Variants in KAZN observed in about 807,000 individuals in gnomAD.
The protein encoded by KAZN is kazrin, periplakin interacting protein, also known as kazrin.
Under a neutral mutation model 87.4 loss-of-function variants are expected in KAZN, and 40 were observed. The observed-to-expected ratio is 0.46, with a 90% CI of 0.36 to 0.60. The LOEUF (loss-of-function observed/expected upper bound fraction) is 0.60, where lower values mean the gene tolerates loss of function less well. KAZN is among the 20% of genes least tolerant of loss of function. The probability of loss-of-function intolerance (pLI) is 0.00; values close to 1 mark genes in which losing one functional copy is unlikely to be tolerated. For synonymous variants in KAZN, 466 were observed against 458.3 expected (o/e 1.02, Z -0.22); for missense variants, 898 against 1,073.9 (o/e 0.84, Z 2.29).
intron 2 of KAZN, among the ~76,000 whole-genome samples, chr1:14,220,648 G>C (rs761577429): frequency 1.3e-5 from 2 of 152,100 alleles, no homozygotes; most frequent in East Asian, 3.8e-4. Flanking sequence ...CCAGTACCAG[G>C]CACTTTATAC....
intron 1 of KAZN, among the ~76,000 whole-genome samples, chr1:14,870,491 A>G (rs1037366478): frequency 1.3e-5 from 2 of 152,080 alleles, no homozygotes; most frequent in South Asian, 4.1e-4. Flanking sequence ...ACAGGCATGC[A>G]CTACCACACT....
intron 2 of KAZN, among the ~76,000 whole-genome samples, chr1:14,241,082 G>C (rs1197089946): frequency 6.6e-6 from 1 of 152,258 alleles, no homozygotes; most frequent in Non-Finnish European, 1.5e-5. Context: ...CACGTGCTTA[G>C]CTCAAGTCCC....
chr1:14,466,672 AAAAG>A (rs1327723708), intron 2 of KAZN, among the ~76,000 whole-genome samples: 10 of 139,750 alleles, frequency 7.2e-5, no homozygotes, highest in Admixed American at 4.2e-4. Context: ...AAAAAAAAAA[AAAAG>A]AAGAAGAAAC....
At chr1:14,188,192 AGC>A (rs376191050) in intron 2 of KAZN, among the ~76,000 whole-genome samples, 101 of 82,110 alleles carry the variant, frequency 1.2e-3, no homozygotes, top group African/African-American at 4.9e-3. Context: ...GAGAGAGAGG[AGC>A]GTGTGTGTGT....
chr1:14,344,812 C>T (rs1201255979), intron 2 of KAZN, among the ~76,000 whole-genome samples: 2 of 152,050 alleles, frequency 1.3e-5, no homozygotes, highest in African/African-American at 4.8e-5. Context: ...AAAACTCCTA[C>T]TAGGTTAAGG....
At chr1:14,895,786 G>T (rs1158126100) in intron 1 of KAZN, among the ~76,000 whole-genome samples, 3 of 152,206 alleles carry the variant, frequency 2.0e-5, no homozygotes, top group African/African-American at 7.2e-5. Context: ...AAGCCACCAT[G>T]TTCTCTGCCC....
upstream of KAZN, among the ~76,000 whole-genome samples, chr1:14,595,008 G>C (rs757847092): frequency 3.9e-5 from 6 of 152,082 alleles, no homozygotes; most frequent in Non-Finnish European, 5.9e-5. Context: ...AGCCAGGGGT[G>C]GTGGTGGGCA....
chr1:14,250,025 G>C (rs940706517), intron 2 of KAZN, among the ~76,000 whole-genome samples: 1 of 152,086 alleles, frequency 6.6e-6, no homozygotes, highest in Non-Finnish European at 1.5e-5. Flanking sequence ...CTTCAGTACA[G>C]GTTCATGAAA....
intron 1 of KAZN, among the ~76,000 whole-genome samples, chr1:14,093,138 C>T (rs1246474127): frequency 6.6e-6 from 1 of 152,222 alleles, no homozygotes; most frequent in Non-Finnish European, 1.5e-5. Context: ...TCTGCATCCT[C>T]TCCCTCGCCA....
chr1:14,875,491 A>G (rs557335293), intron 1 of KAZN, among the ~76,000 whole-genome samples: 52 of 150,862 alleles, frequency 3.4e-4, no homozygotes, highest in African/African-American at 1.2e-3. Context: ...TTAAAAAAAA[A>G]AAAAAAGAAA....
At chr1:14,480,747 GTATT>G (rs1286208397) in intron 2 of KAZN, among the ~76,000 whole-genome samples, 2 of 142,762 alleles carry the variant, frequency 1.4e-5, no homozygotes, top group Non-Finnish European at 1.5e-5. Context: ...TACTATATAT[GTATT>G]TATATATGTA....
Position 14,539,053 on chromosome 1 carries a change from A to T in KAZN, c.250-59930A>T, listed in dbSNP as rs573170623. On this transcript the variant is annotated intron_variant, in intron 2 of 16. Coordinates refer to the KAZN transcript ENST00000636203. ...AACAAGGGAAGGACTATACCAGTGC[A>T]TATGGATTGAAAAGCAACCTGGCTT... 3.9e-5 allele frequency among the ~76,000 whole-genome samples: 6 copies of T among 152,358 alleles called. No individual in the cohort carries two copies. The South Asian group carries it at 1.2e-3, about 32-fold the overall frequency.
At chr1:15,005,528 A>G (rs1446644959) in intron 2 of KAZN, among the ~76,000 whole-genome samples, 5 of 152,178 alleles carry the variant, frequency 3.3e-5, no homozygotes, top group Non-Finnish European at 5.9e-5. Context: ...GCTCACACCT[A>G]TCATCCCAGC....
chr1:14,644,002 CTTTTTTTTTTTTT>C lies in KAZN; in HGVS notation c.226+44792_226+44804del, dbSNP rs34535562. ...AATGTCTATTCATGTCCTTTGCCCA[CTTTTTTTTTTTTT>C]TTTTTTTTTTTTGAGATGGAGTTTT... On this transcript the variant is annotated intron_variant, in intron 1 of 14. Transcript: ENST00000376030. Among the ~76,000 whole-genome samples the C allele has an allele frequency of 6.6e-5, 4 of 60,372 alleles. No homozygotes were observed. In the East Asian group the frequency reaches 2.3e-3, roughly 34 times the overall value. 39.6% of individuals were successfully genotyped at this position (60,372 alleles called of 152,430 possible).
At chr1:14,774,852 T>C (rs910742338) in intron 1 of KAZN, among the ~76,000 whole-genome samples, 5 of 152,190 alleles carry the variant, frequency 3.3e-5, no homozygotes, top group African/African-American at 1.2e-4. Flanking sequence ...AAGTCCGTGG[T>C]ACATCATCTA....
At chr1:14,984,482 A>T (rs1666574212) in intron 2 of KAZN, among the ~76,000 whole-genome samples, 1 of 152,084 alleles carries the variant, frequency 6.6e-6, no homozygotes, top group South Asian at 2.1e-4. Flanking sequence ...GGAATGGGGG[A>T]AGGCGGTGGA....
intron 2 of KAZN, among the ~76,000 whole-genome samples, chr1:14,307,733 C>A (rs1025912395): frequency 6.6e-6 from 1 of 152,124 alleles, no homozygotes; most frequent in Non-Finnish European, 1.5e-5. Flanking sequence ...GAGGCAGTAA[C>A]GCGTAGTGGG....
intron 2 of KAZN, among the ~76,000 whole-genome samples, chr1:14,549,577 C>G (rs1238572550): frequency 6.0e-5 from 9 of 151,174 alleles, no homozygotes; most frequent in Non-Finnish European, 1.3e-4. Flanking sequence ...AACTTACGAA[C>G]AGATACACTG....
Position 14,441,381 on chromosome 1 carries a change from A to AGCG in KAZN, c.250-157600_250-157599insGGC, listed in dbSNP as rs1553172857. On this transcript the variant is annotated intron_variant, in intron 2 of 16. Coordinates refer to the KAZN transcript ENST00000636203. ...TCCGGGCAGCAGCGGCAGCGGCAGC[A>AGCG]GCAGCAGCAGCAGCACCTGGGAACT... Among the ~76,000 whole-genome samples the AGCG allele has an allele frequency of 9.7e-4, 147 of 151,960 alleles. 1 individual carries two copies. Among genetic ancestry groups the AGCG allele is most frequent in the African/African-American group, 3.4e-3 (141 of 41,356 alleles).
Sources: allele counts gnomAD v4.1 joint callset (sites outside exome capture counted in the v4.1 genomes callset), GRCh38; gene constraint gnomAD v4.1.1; transcripts MANE v1.5; gene names NCBI Gene and HGNC (gene_info 2026-07-23, HGNC 2026-07-21).